The following CIT variants were observed in gnomAD, a reference collection of about 807,000 sequenced individuals.
CIT encodes citron rho-interacting serine/threonine kinase.
CIT carries 79 observed loss-of-function variants against 272.7 expected under a neutral mutation model. That is an observed-to-expected ratio of 0.29 (90% confidence interval 0.24 to 0.35). The LOEUF (loss-of-function observed/expected upper bound fraction) is 0.35, where lower values mean the gene tolerates loss of function less well. Ranked by LOEUF, CIT falls within the 10% of genes least tolerant of loss-of-function variation. The pLI is 1.00. For missense variants in CIT, 1,909 were observed against 2,618.3 expected, an observed-to-expected ratio of 0.73 and a Z score of 5.91; for synonymous variants, 948 against 995.6, an observed-to-expected ratio of 0.95 and a Z score of 0.90.
rs1955863205 is a variant in CIT, at chr12:119,690,253, G to A, written c.6084C>T (p.Leu2028=). The stretch of plus-strand genomic sequence containing the variant: ...CGGGGGACCGCTCTCTCCGCGTGCT[G>A]AGCATCCGGCCGGGGGACTTCTCTC... ...LEREKSPGRM[L]STRRERSPGR... Residue 2028 remains leucine, a synonymous_variant, in exon 47 of 48, where the codon CTC becomes CTT. Transcript: ENST00000392521. This position sits in a 1 kb window ranked among gnomAD's most constrained non-coding sequence, Gnocchi z 6.0. The A allele has an allele frequency of 6.4e-7, 1 of 1,568,568 alleles. No individual in the cohort carries two copies. Among genetic ancestry groups the A allele is most frequent in the African/African-American group, 1.4e-5 (1 of 72,644 alleles).
At chr12:119,729,800 GTTATT>G (rs1304120651) in intron 27 of CIT, among the ~76,000 whole-genome samples, 7 of 152,150 alleles carry the variant, frequency 4.6e-5, no homozygotes, top group Admixed American at 1.3e-4. Context: ...AAATCAGATC[GTTATT>G]TTATTTTGTG....
chr12:119,726,917 C>CT (rs1277069482), intron 28 of CIT, among the ~76,000 whole-genome samples: 1 of 152,156 alleles, frequency 6.6e-6, no homozygotes, highest in Non-Finnish European at 1.5e-5. Context: ...GTCTATTATG[C>CT]TTCAAAAGCA....
intron 28 of CIT, among the ~76,000 whole-genome samples, chr12:119,726,253 C>T (rs893095751): frequency 2.0e-5 from 3 of 152,032 alleles, no homozygotes; most frequent in African/African-American, 7.3e-5. Context: ...GGCTCTCACT[C>T]TGTCACCCAG....
chr12:119,704,097 G>C (rs1956742248), intron 41 of CIT, among the ~76,000 whole-genome samples: 2 of 151,980 alleles, frequency 1.3e-5, no homozygotes, highest in Admixed American at 1.3e-4. Flanking sequence ...TCTAACAAAA[G>C]GCTGAACTCA....
intron 46 of CIT, among the ~76,000 whole-genome samples, chr12:119,695,786 A>C (rs1439674905): frequency 1.3e-5 from 2 of 151,058 alleles, no homozygotes; most frequent in South Asian, 2.1e-4. Context: ...ACCCTGTCCC[A>C]AAAAAAAAGT....
chr12:119,871,453 A>C (rs772609108), intron 2 of CIT, among the ~76,000 whole-genome samples: 7 of 152,170 alleles, frequency 4.6e-5, no homozygotes, highest in Non-Finnish European at 7.3e-5. Flanking sequence ...TGGAGAATTT[A>C]AGAAAAACAA....
chr12:119,869,157 G>A lies in CIT; in HGVS notation c.141C>T (p.Ser47=). ...FMTQQQMSPL[S]REGILDALFV... Reference sequence around the variant, plus strand: ...AGAGGGCATCTAATATCCCTTCTCGGGAAAGAGGAGACATCTGCTGTTGAG... The same window carrying A: ...AGAGGGCATCTAATATCCCTTCTCGAGAAAGAGGAGACATCTGCTGTTGAG... Residue 47 remains serine, a synonymous_variant, in exon 3 of 48, where the codon TCC becomes TCT. Transcript: ENST00000392521. 1 of 1,612,886 alleles carries A rather than the reference G, an allele frequency of 6.2e-7. No homozygotes were observed. The highest frequency in any genetic ancestry group is 8.5e-7 in the Non-Finnish European group (1 of 1,179,674).
intron 9 of CIT, among the ~76,000 whole-genome samples, chr12:119,820,059 T>G (rs1967553164): frequency 6.6e-6 from 1 of 152,138 alleles, no homozygotes; most frequent in African/African-American, 2.4e-5. Context: ...GTATCTAAAC[T>G]AGGACCAGTC....
At chr12:119,737,232 G>A (rs573092715) in intron 24 of CIT, among the ~76,000 whole-genome samples, 2 of 135,420 alleles carry the variant, frequency 1.5e-5, no homozygotes, top group East Asian at 2.2e-4. Context: ...GCATGAACCC[G>A]GGAGGCGGAG....
At chr12:119,774,116 A>T (rs932847456) in intron 16 of CIT, among the ~76,000 whole-genome samples, 1 of 152,222 alleles carries the variant, frequency 6.6e-6, no homozygotes, top group Non-Finnish European at 1.5e-5. Context: ...TCATAGAAAC[A>T]GAAAGTAGAA....
At chr12:119,715,825 A>G (rs1248669305) in intron 32 of CIT, among the ~76,000 whole-genome samples, 1 of 152,222 alleles carries the variant, frequency 6.6e-6, no homozygotes, top group Admixed American at 6.5e-5. Flanking sequence ...GTGATTAGGA[A>G]TCAGGCTTTA....
intron 47 of CIT, among the ~76,000 whole-genome samples, chr12:119,689,665 T>TA (rs1565887348): frequency 2.2e-4 from 28 of 127,220 alleles, no homozygotes; most frequent in Non-Finnish European, 2.8e-4. Flanking sequence ...CTTAGGAAGC[T>TA]CTTTTTTTTT....
intron 5 of CIT, among the ~76,000 whole-genome samples, chr12:119,843,776 C>T (rs1969581917): frequency 6.6e-6 from 1 of 151,950 alleles, no homozygotes; most frequent in Non-Finnish European, 1.5e-5. Flanking sequence ...CGCCACTGCA[C>T]TCCAGCCTGG....
Position 119,770,522 on chromosome 12 carries a change from G to A in CIT, c.2208+263C>T, listed in dbSNP as rs1345230473. Among the ~76,000 whole-genome samples, 1 of 81,894 alleles carries A rather than the reference G, an allele frequency of 1.2e-5. No homozygotes were observed. The highest frequency in any genetic ancestry group is 6.0e-5 in the African/African-American group (1 of 16,556). The allele number at this position is 81,894 out of a possible 152,430, so 53.7% of individuals were successfully genotyped here. On this transcript the variant is annotated intron_variant, in intron 18 of 47. Transcript: ENST00000392521. The surrounding 1 kb of genome is among the most constrained non-coding windows in gnomAD (Gnocchi z 4.4). ...AATGTATTGAAAATGATAGATGCACGTTCCACTAAAAAAAAAAAAAAAGCC... is the reference window on the plus strand; with the variant it reads ...AATGTATTGAAAATGATAGATGCACATTCCACTAAAAAAAAAAAAAAAGCC...
At chr12:119,709,345 C>T (rs192984756) in intron 39 of CIT, among the ~76,000 whole-genome samples, 108 of 150,680 alleles carry the variant, frequency 7.2e-4, no homozygotes, top group African/African-American at 2.4e-3. Context: ...CTCTAACGAA[C>T]GTATCACTCT....
rs150022205 is a variant in CIT, at chr12:119,704,935, C to A, written c.5212-480G>T. Among the ~76,000 whole-genome samples the A allele has an allele frequency of 2.0e-5, 3 of 152,288 alleles. No individual in the cohort carries two copies. The South Asian group carries it at 6.2e-4, about 32-fold the overall frequency. ...AGAGAAAATTTCTTTTCTTCTGAGA[C>A]GGAGTCTCACTCTGTCGCCCAGGCT... On this transcript the variant is annotated intron_variant, in intron 40 of 47. Transcript: ENST00000392521.
chr12:119,824,718 C>T (rs942350162), intron 8 of CIT, among the ~76,000 whole-genome samples: 2 of 152,172 alleles, frequency 1.3e-5, no homozygotes, highest in Non-Finnish European at 2.9e-5. Context: ...TCACACAATA[C>T]GTATAAAATA....
chr12:119,854,894 G>A lies in CIT; in HGVS notation c.414+2629C>T, dbSNP rs1007035377. ...TGAACCTGGGAGGCGGGGTTGCAGTGAGCCGAGATCGTGCCACTGCACCTC... is the reference window on the plus strand; with the variant it reads ...TGAACCTGGGAGGCGGGGTTGCAGTAAGCCGAGATCGTGCCACTGCACCTC... On this transcript the variant is annotated intron_variant, in intron 4 of 47. Coordinates refer to ENST00000392521, the MANE Select transcript of CIT (RefSeq NM_001206999.2). Among the ~76,000 whole-genome samples, 6 of 152,076 alleles carry A rather than the reference G, an allele frequency of 3.9e-5. No individual in the cohort carries two copies. The East Asian group carries it at 7.8e-4, about 20-fold the overall frequency.
rs1957648463 is a variant in CIT, at chr12:119,718,380, G to A, written c.4033C>T (p.His1345Tyr). 2 of 1,613,654 alleles carry A rather than the reference G, an allele frequency of 1.2e-6. No homozygotes were observed. Among genetic ancestry groups the A allele is most frequent in the Non-Finnish European group, 1.7e-6 (2 of 1,179,898 alleles). ...CTCGCGGTGGCTGGCGTGGATGGGT[G>A]TGGGTGGTCCGTTGCTTTGCGGTGG... is the stretch of plus-strand genomic sequence containing the variant. The part of the protein sequence containing the change: ...AAHRKATDHP[H>Y]PSTPATARQQ... The change falls in exon 32 of 48, where the codon CAC (histidine) becomes TAC (tyrosine). Residue 1345 changes from histidine (H) to tyrosine (Y), a missense_variant. His to Tyr is a moderately conservative substitution (Grantham distance 83). Coordinates refer to ENST00000392521, the MANE Select transcript of CIT (RefSeq NM_001206999.2). The surrounding 1 kb of genome is among the most constrained non-coding windows in gnomAD (Gnocchi z 4.8).
Sources: allele counts gnomAD v4.1 joint callset (sites outside exome capture counted in the v4.1 genomes callset), GRCh38; gene constraint gnomAD v4.1.1; non-coding constraint Gnocchi (gnomAD v3.1); transcripts MANE v1.5; gene names NCBI Gene and HGNC (gene_info 2026-07-23, HGNC 2026-07-21).